IL1RAPL1: variants seen among roughly 807,000 people sequenced by gnomAD.
IL1RAPL1 encodes interleukin-1 receptor accessory protein-like 1.
In IL1RAPL1, 3 loss-of-function variants were observed where a neutral mutation model predicts 48.4. The observed-to-expected ratio is 0.06, with a 90% CI of 0.03 to 0.16. The LOEUF is 0.16. IL1RAPL1 is among the 10% of genes least tolerant of loss of function. The probability of loss-of-function intolerance (pLI) is 1.00; values close to 1 mark genes in which losing one functional copy is unlikely to be tolerated. For missense variants in IL1RAPL1, 349 were observed against 530.6 expected (o/e 0.66, Z 3.36); for synonymous variants, 185 against 187.7 (o/e 0.99, Z 0.12).
intron 2 of IL1RAPL1, among the ~76,000 whole-genome samples, chrX:28,938,364 A>T (rs1303296759): frequency 9.0e-6 from 1 of 111,044 alleles, no homozygotes; most frequent in Non-Finnish European, 1.9e-5. Flanking sequence ...ATAAGGCTAT[A>T]TACCTAAAAC....
chrX:29,741,345 G>A (rs1178408004), intron 6 of IL1RAPL1, among the ~76,000 whole-genome samples: 1 of 111,980 alleles, frequency 8.9e-6, no homozygotes, highest in Non-Finnish European at 1.9e-5. Context: ...CTAGGATTGT[G>A]AGTCCAGCAG....
chrX:29,252,340 A>G (rs1377588797), intron 2 of IL1RAPL1, among the ~76,000 whole-genome samples: 3 of 113,876 alleles, frequency 2.6e-5, no homozygotes, highest in African/African-American at 6.4e-5. Flanking sequence ...TATAGTGTAG[A>G]GAAAGCTAAT....
intron 4 of IL1RAPL1, among the ~76,000 whole-genome samples, chrX:29,397,990 T>C (rs1028626043): frequency 8.9e-6 from 1 of 112,019 alleles, no homozygotes; most frequent in Non-Finnish European, 1.9e-5. Context: ...CTATGCAGAC[T>C]AGTGAAGTGG....
chrX:29,239,221 A>G (rs1470972054), intron 2 of IL1RAPL1, among the ~76,000 whole-genome samples: 2 of 112,167 alleles, frequency 1.8e-5, no homozygotes, highest in Admixed American at 1.9e-4. Context: ...ATACTAATCT[A>G]TGTGGAATTT....
chrX:29,688,815 T>C (rs1926701256), intron 6 of IL1RAPL1, among the ~76,000 whole-genome samples: 1 of 81,139 alleles, frequency 1.2e-5, no homozygotes, highest in African/African-American at 4.3e-5. Context: ...TGCTTTGTGG[T>C]CTTTTTTTTT....
intron 2 of IL1RAPL1, among the ~76,000 whole-genome samples, chrX:29,206,607 C>T (rs1244228722): frequency 1.8e-5 from 2 of 111,321 alleles, no homozygotes; most frequent in African/African-American, 6.5e-5. Flanking sequence ...TTATACTTTT[C>T]CTATAAGTAA....
intron 2 of IL1RAPL1, among the ~76,000 whole-genome samples, chrX:29,191,114 TAATA>T (rs949935203): frequency 1.8e-5 from 2 of 111,952 alleles, no homozygotes; most frequent in Non-Finnish European, 3.8e-5. Flanking sequence ...ATTTGCAATC[TAATA>T]TATATAGGTA....
chrX:29,358,670 A>G (rs5972306), intron 3 of IL1RAPL1, among the ~76,000 whole-genome samples: 1,625 of 110,768 alleles, frequency 0.015, 24 homozygotes, highest in African/African-American at 0.051. Flanking sequence ...CAACTCTGCT[A>G]CTTATCATTT....
intron 5 of IL1RAPL1, among the ~76,000 whole-genome samples, chrX:29,464,168 T>A (rs750263297): frequency 8.9e-6 from 1 of 112,535 alleles, no homozygotes; most frequent in East Asian, 2.8e-4. Flanking sequence ...TTATTTTGGA[T>A]ATTCAGTTTG....
At chrX:29,109,908 G>GAA (rs1400597763) in intron 2 of IL1RAPL1, among the ~76,000 whole-genome samples, 1 of 111,584 alleles carries the variant, frequency 9.0e-6, no homozygotes, top group Non-Finnish European at 1.9e-5. Context: ...ATATAAAAGA[G>GAA]AGTTTTACTG....
intron 5 of IL1RAPL1, among the ~76,000 whole-genome samples, chrX:29,563,275 T>C (rs1355963959): frequency 9.0e-6 from 1 of 111,474 alleles, no homozygotes; most frequent in African/African-American, 3.3e-5. Context: ...TTGGTCAGTC[T>C]ATTTTTTTAT....
intron 5 of IL1RAPL1, among the ~76,000 whole-genome samples, chrX:29,442,511 GAAAAC>G (rs1934559153): frequency 2.7e-5 from 3 of 111,485 alleles, no homozygotes; most frequent in South Asian, 7.5e-4. Context: ...AAAATAAAAT[GAAAAC>G]AAAACAAAAA....
At chrX:29,953,690 G>C (rs1175402564) in intron 9 of IL1RAPL1, among the ~76,000 whole-genome samples, 1 of 111,470 alleles carries the variant, frequency 9.0e-6, no homozygotes, top group Non-Finnish European at 1.9e-5. Flanking sequence ...ATCCCAATAT[G>C]CAAGAACTGA....
At chrX:29,589,209 A>T (rs763163269) in intron 5 of IL1RAPL1, among the ~76,000 whole-genome samples, 4 of 111,794 alleles carry the variant, frequency 3.6e-5, no homozygotes, top group African/African-American at 6.5e-5. Context: ...TCTCATATCA[A>T]TTTTACCTTT....
intron 5 of IL1RAPL1, among the ~76,000 whole-genome samples, chrX:29,444,966 T>C (rs1267169800): frequency 8.9e-6 from 1 of 112,102 alleles, no homozygotes; most frequent in Non-Finnish European, 1.9e-5. Flanking sequence ...TGAACATTAA[T>C]TGGGGTCAGT....
chrX:28,881,944 A>G (rs1202596417), intron 2 of IL1RAPL1, among the ~76,000 whole-genome samples: 1 of 110,469 alleles, frequency 9.1e-6, no homozygotes, highest in Non-Finnish European at 1.9e-5. Flanking sequence ...GAGAAGAGAG[A>G]GATGGACGGA....
intron 6 of IL1RAPL1, among the ~76,000 whole-genome samples, chrX:29,804,712 G>A (rs1930210829): frequency 8.9e-6 from 1 of 111,817 alleles, no homozygotes; most frequent in South Asian, 3.7e-4. Flanking sequence ...TTTATTAGCA[G>A]CATGAGAACA....
At chrX:28,916,286 C>A (rs1474610217) in intron 2 of IL1RAPL1, among the ~76,000 whole-genome samples, 1 of 111,249 alleles carries the variant, frequency 9.0e-6, no homozygotes, top group Non-Finnish European at 1.9e-5. Flanking sequence ...TAGGTCAATT[C>A]TTGCTGGGAC....
At chrX:28,843,000 T>G in intron 2 of IL1RAPL1, among the ~76,000 whole-genome samples, 1 of 104,257 alleles carries the variant, frequency 9.6e-6, no homozygotes, top group Non-Finnish European at 1.9e-5. Context: ...TAGACCATTT[T>G]ATTTACCCAT....
Sources: allele counts gnomAD v4.1 joint callset (sites outside exome capture counted in the v4.1 genomes callset), GRCh38; gene constraint gnomAD v4.1.1; transcripts MANE v1.5; gene names NCBI Gene and HGNC (gene_info 2026-07-23, HGNC 2026-07-21).